Variants in WASHC4 observed in about 807,000 individuals in gnomAD.
The protein encoded by WASHC4 is WASH complex subunit 7.
In WASHC4, 86 loss-of-function variants were observed where a neutral mutation model predicts 166.6. That is an observed-to-expected ratio of 0.52 (90% confidence interval 0.43 to 0.62). The LOEUF is 0.62. WASHC4 is among the 20% of genes least tolerant of loss of function. The pLI is 0.00. For missense variants in WASHC4, 1,262 were observed against 1,382.4 expected, an observed-to-expected ratio of 0.91 and a Z score of 1.38; for synonymous variants, 446 against 451.6, an observed-to-expected ratio of 0.99 and a Z score of 0.16.
intron 27 of WASHC4, among the ~76,000 whole-genome samples, 189 bp from the exon 28 acceptor site, chr12:105,157,047 G>A (rs929879988): frequency 6.6e-6 from 1 of 152,068 alleles, no homozygotes; most frequent in African/African-American, 2.4e-5. Context: ...TGATTTTAAG[G>A]ATTAAAATAT....
intron 23 of WASHC4, 137 bp from the exon 24 acceptor site, chr12:105,146,905 C>G (rs950382477): frequency 2.9e-6 from 2 of 700,816 alleles, no homozygotes; most frequent in Non-Finnish European, 2.6e-6. Context: ...TAAGGATACT[C>G]ACCTGTACTG....
At chr12:105,151,276 A>T (rs183283059) in intron 25 of WASHC4, among the ~76,000 whole-genome samples, 18 of 151,818 alleles carry the variant, frequency 1.2e-4, no homozygotes, top group Non-Finnish European at 2.5e-4. Context: ...AGCCATGTGG[A>T]TTGAGAACCA....
intron 24 of WASHC4, chr12:105,148,119 A>G: frequency 1.0e-6 from 1 of 985,322 alleles, no homozygotes; most frequent in Non-Finnish European, 1.2e-6. Flanking sequence ...GAGAAAATGG[A>G]AAGTTAAGTT....
chr12:105,157,855 G>A (rs1884269628), intron 28 of WASHC4, among the ~76,000 whole-genome samples: 1 of 150,154 alleles, frequency 6.7e-6, no homozygotes, highest in Non-Finnish European at 1.5e-5. Context: ...AATAGCTAAT[G>A]TCTGTCTTAT....
chr12:105,157,872 G>C, intron 28 of WASHC4, among the ~76,000 whole-genome samples: 1 of 106,936 alleles, frequency 9.4e-6, no homozygotes, highest in Non-Finnish European at 1.9e-5. Flanking sequence ...TTATTGAACA[G>C]TGCAGGACTT....
intron 1 of WASHC4, among the ~76,000 whole-genome samples, chr12:105,108,646 T>A (rs2135712424): frequency 6.6e-6 from 1 of 152,342 alleles, no homozygotes; most frequent in Non-Finnish European, 1.5e-5. Flanking sequence ...AAACTCTACT[T>A]GAAATAAATA....
Position 105,164,622 on chromosome 12 carries a change from A to C in WASHC4, c.3355-19A>C. 1 of 1,581,904 alleles carries C rather than the reference A, an allele frequency of 6.3e-7. No homozygotes were observed. The highest frequency in any genetic ancestry group is 8.7e-7 in the Non-Finnish European group (1 of 1,153,550). ...ATAAGTATTTTTGGTTTTTATTTCA[A>C]ATTTTTAAATTTACTTAGGAATTTG... On this transcript the variant is annotated intron_variant, in intron 31 of 32. Coordinates refer to ENST00000332180, the MANE Select transcript of WASHC4 (RefSeq NM_015275.3).
At chr12:105,163,126 T>C (rs1466748568) in intron 30 of WASHC4, among the ~76,000 whole-genome samples, 1 of 151,618 alleles carries the variant, frequency 6.6e-6, no homozygotes, top group Non-Finnish European at 1.5e-5. Context: ...CTGCCTAATT[T>C]TTTTTGCATT....
At chr12:105,121,079 A>G in intron 8 of WASHC4, 22 bp from the exon 9 acceptor site, 1 of 1,536,880 alleles carries the variant, frequency 6.5e-7, no homozygotes, top group Non-Finnish European at 9.0e-7. Flanking sequence ...CTAAATGATA[A>G]TCATTAAAGG....
intron 29 of WASHC4, among the ~76,000 whole-genome samples, chr12:105,161,552 A>C (rs1273854048): frequency 6.6e-6 from 1 of 152,246 alleles, no homozygotes; most frequent in Non-Finnish European, 1.5e-5. Flanking sequence ...GGCAGTTGTC[A>C]GAATTCGCTT....
chr12:105,131,962 A>AAT (rs1376037602), intron 13 of WASHC4, among the ~76,000 whole-genome samples: 1 of 152,198 alleles, frequency 6.6e-6, no homozygotes, highest in African/African-American at 2.4e-5. Context: ...TTTGCCCAGC[A>AAT]ATATGGCTAG....
chr12:105,130,667 G>A (rs1881714660), intron 13 of WASHC4, among the ~76,000 whole-genome samples: 1 of 151,932 alleles, frequency 6.6e-6, no homozygotes, highest in Non-Finnish European at 1.5e-5. Context: ...GTTTATGTAA[G>A]TGAGTAGGGA....
At chr12:105,137,590 C>G (rs1882435426) in intron 14 of WASHC4, among the ~76,000 whole-genome samples, 1 of 152,142 alleles carries the variant, frequency 6.6e-6, no homozygotes, top group Admixed American at 6.5e-5. Flanking sequence ...TTGTTTCACT[C>G]AAAGCTTTTT....
chr12:105,127,578 A>C (rs1881404945), intron 13 of WASHC4, among the ~76,000 whole-genome samples: 1 of 152,180 alleles, frequency 6.6e-6, no homozygotes, highest in African/African-American at 2.4e-5. Flanking sequence ...GAAGTCTCAG[A>C]TTTTGTTGCA....
intron 19 of WASHC4, 47 bp from the exon 20 acceptor site, chr12:105,143,080 G>A (rs1883003506): frequency 2.6e-6 from 3 of 1,167,734 alleles, no homozygotes; most frequent in Non-Finnish European, 1.3e-6. Flanking sequence ...GTTTAGATTA[G>A]AGACCTGGTT....
chr12:105,132,793 T>A (rs1449665739), intron 13 of WASHC4, among the ~76,000 whole-genome samples: 5 of 27,406 alleles, frequency 1.8e-4, no homozygotes, highest in African/African-American at 6.2e-4. Flanking sequence ...AGGTAGTGTG[T>A]GTGTGTGTGT....
In WASHC4 at chr12:105,111,162, A is replaced by T; in HGVS notation, c.99A>T (p.Lys33Asn). Residue 33 changes from lysine (K) to asparagine (N), a missense_variant, in exon 2 of 33, where the codon AAA (lysine) becomes AAT (asparagine). Physicochemically the swap from Lys to Asn is moderately conservative, Grantham distance 94. Transcript: ENST00000332180. ...AAGTCCAACTTAAGAATTATGGGAA[A>T]TTTCTTGAGGAGTATACCTCTCAAC... ...HAEVQLKNYG[K>N]FLEEYTSQLR... 6.2e-7 allele frequency: 1 copy of T among 1,607,904 alleles called. No homozygotes were observed. The highest frequency in any genetic ancestry group is 8.5e-7 in the Non-Finnish European group (1 of 1,174,906).
At chr12:105,113,938 A>C (rs530878494) in intron 2 of WASHC4, among the ~76,000 whole-genome samples, 154 of 152,088 alleles carry the variant, frequency 1.0e-3, no homozygotes, top group African/African-American at 3.6e-3. Flanking sequence ...TAATGTTACT[A>C]TTACCTTATT....
In WASHC4 at chr12:105,167,033, T is replaced by A. The variant is rs1361055534; in HGVS notation, c.*102T>A. Reference sequence around the variant, plus strand: ...TTGATGAATTGTTTCCTGGGTCACATCTCTGGAAAATAGATGTTACAGTTC... The same window carrying A: ...TTGATGAATTGTTTCCTGGGTCACAACTCTGGAAAATAGATGTTACAGTTC... On this transcript the variant is annotated 3_prime_UTR_variant, in exon 33 of 33. Coordinates refer to ENST00000332180, the MANE Select transcript of WASHC4 (RefSeq NM_015275.3). 2.5e-6 allele frequency: 2 copies of A among 815,922 alleles called. No homozygotes were observed. The highest frequency in any genetic ancestry group is 4.2e-6 in the Non-Finnish European group (2 of 471,038). 50.5% of individuals were successfully genotyped at this position (815,922 alleles called of 1,614,324 possible). A position where few individuals can be genotyped will look rare whatever the true frequency, so the allele number is the denominator to read the frequency against.
Sources: gnomAD v4.1 joint callset for allele counts (sites outside exome capture counted in the v4.1 genomes callset) on GRCh38, gnomAD v4.1.1 for gene constraint, MANE v1.5 for transcripts, NCBI Gene and HGNC (gene_info 2026-07-23, HGNC 2026-07-21) for gene names.